XNDC1N: variants seen among roughly 807,000 people sequenced by gnomAD.
XNDC1N encodes protein XNDC1N.
the XNDC1N span, among the ~76,000 whole-genome samples, chr11:71,885,864 A>G: frequency 1.3e-5 from 2 of 151,932 alleles, no homozygotes; most frequent in African/African-American, 4.8e-5. Flanking sequence ...GGCATCATTA[A>G]TCATTAATAT....
the XNDC1N span, chr11:71,914,409 A>G: frequency 2.2e-6 from 1 of 456,020 alleles, no homozygotes; most frequent in Non-Finnish European, 4.4e-6. Flanking sequence ...GAACTTGGCC[A>G]GGCATGGTGG....
chr11:71,899,860 G>A, the XNDC1N span, among the ~76,000 whole-genome samples: 3 of 152,198 alleles, frequency 2.0e-5, no homozygotes, highest in South Asian at 4.1e-4. Context: ...AGTTGAGAGA[G>A]AGGAAGGCCC....
the XNDC1N span, among the ~76,000 whole-genome samples, chr11:71,890,337 T>C: frequency 1.1e-3 from 163 of 152,308 alleles, 1 homozygote; most frequent in Non-Finnish European, 1.4e-3. Flanking sequence ...CAATGGAATG[T>C]CATCCTGCGC....
At chr11:71,902,598 G>A in the XNDC1N span, among the ~76,000 whole-genome samples, 1 of 152,194 alleles carries the variant, frequency 6.6e-6, no homozygotes, top group Non-Finnish European at 1.5e-5. Flanking sequence ...TTACTCTCTC[G>A]AAGGAGAAAA....
the XNDC1N span, among the ~76,000 whole-genome samples, chr11:71,886,236 G>C: frequency 1.3e-5 from 2 of 152,072 alleles, no homozygotes; most frequent in Admixed American, 6.6e-5. Context: ...TAATTGATTT[G>C]CTCCAAACTG....
At chr11:71,919,469 A>G in the XNDC1N span, among the ~76,000 whole-genome samples, 5 of 151,048 alleles carry the variant, frequency 3.3e-5, no homozygotes, top group Non-Finnish European at 7.4e-5. Context: ...GCTCACTGCA[A>G]CCTCCGCCTC....
At chr11:71,903,678 G>C in the XNDC1N span, 1 of 422,678 alleles carries the variant, frequency 2.4e-6, no homozygotes, top group Non-Finnish European at 4.3e-6. Context: ...CAGTCTTTTA[G>C]ACTCTCAGCT....
the XNDC1N span, among the ~76,000 whole-genome samples, chr11:71,907,701 A>G: frequency 9.9e-5 from 15 of 152,174 alleles, no homozygotes; most frequent in East Asian, 2.3e-3. Flanking sequence ...CGTTGCAACT[A>G]GAAACTATAT....
At chr11:71,890,706 G>T in the XNDC1N span, among the ~76,000 whole-genome samples, 1 of 152,028 alleles carries the variant, frequency 6.6e-6, no homozygotes, top group Admixed American at 6.5e-5. Flanking sequence ...ATATTTGGAG[G>T]AATATCATCG....
At chr11:71,879,232 G>T in the XNDC1N span, among the ~76,000 whole-genome samples, 1 of 152,098 alleles carries the variant, frequency 6.6e-6, no homozygotes, top group East Asian at 1.9e-4. Context: ...TTCCTTTAAA[G>T]TTGAATAAAA....
the XNDC1N span, among the ~76,000 whole-genome samples, chr11:71,909,772 T>G: frequency 1.3e-5 from 2 of 152,176 alleles, no homozygotes; most frequent in Admixed American, 1.3e-4. Flanking sequence ...CATTCATCAG[T>G]TTTGGTACAT....
the XNDC1N span, among the ~76,000 whole-genome samples, chr11:71,874,335 T>A: frequency 2.1e-4 from 32 of 152,192 alleles, no homozygotes; most frequent in South Asian, 6.2e-3. Flanking sequence ...TTTTTAAAAA[T>A]AAAAAATAAA....
At chr11:71,924,748 T>C in the XNDC1N span, among the ~76,000 whole-genome samples, 2 of 152,156 alleles carry the variant, frequency 1.3e-5, no homozygotes, top group Non-Finnish European at 2.9e-5. Flanking sequence ...AAACATTTTA[T>C]GTAAAATTTT....
the XNDC1N span, chr11:71,884,353 A>T: frequency 4.7e-3 from 6,904 of 1,459,670 alleles, 23 homozygotes; most frequent in Non-Finnish European, 5.8e-3. Context: ...TCAGACATTT[A>T]AACATAAAAA....
chr11:71,890,608 C>A, the XNDC1N span, among the ~76,000 whole-genome samples: 1 of 152,184 alleles, frequency 6.6e-6, no homozygotes, highest in Middle Eastern at 3.4e-3. Flanking sequence ...GTGGGGTATA[C>A]ACCACCTGCA....
chr11:71,873,729 G>GA, the XNDC1N span, among the ~76,000 whole-genome samples: 1 of 152,214 alleles, frequency 6.6e-6, no homozygotes, highest in South Asian at 2.1e-4. Context: ...AGAGTAGCAG[G>GA]AAAAAAATAT....
At chr11:71,878,517 C>A in the XNDC1N span, 2 of 1,608,580 alleles carry the variant, frequency 1.2e-6, no homozygotes, top group Non-Finnish European at 8.5e-7. Flanking sequence ...CCAAGTAAGG[C>A]AGAAACTTTT....
chr11:71,901,814 T>C, the XNDC1N span, among the ~76,000 whole-genome samples: 1 of 152,044 alleles, frequency 6.6e-6, no homozygotes, highest in Non-Finnish European at 1.5e-5. Flanking sequence ...AAGTGAGTGA[T>C]GATTAAGCTG....
At chr11:71,887,503 A>G in the XNDC1N span, among the ~76,000 whole-genome samples, 1 of 151,836 alleles carries the variant, frequency 6.6e-6, no homozygotes, top group Admixed American at 6.6e-5. Flanking sequence ...AGGCCAAGAG[A>G]GAAGACCAGC....
Sources: allele counts gnomAD v4.1 joint callset (sites outside exome capture counted in the v4.1 genomes callset), GRCh38; gene constraint gnomAD v4.1.1; transcripts MANE v1.5; gene names NCBI Gene and HGNC (gene_info 2026-07-23, HGNC 2026-07-21).